AP3B1: variants seen among roughly 807,000 people sequenced by gnomAD.
AP3B1 encodes adaptor related protein complex 3 subunit beta 1, also known as AP-3 complex subunit beta-1.
In AP3B1, 61 loss-of-function variants were observed where a neutral mutation model predicts 132.5. The ratio of observed to expected loss-of-function variants is 0.46; its 90% CI spans 0.37 to 0.57. The LOEUF is 0.57. Ranked by LOEUF, AP3B1 falls within the 20% of genes least tolerant of loss-of-function variation. The pLI is 0.00. For missense variants in AP3B1, 1,120 were observed against 1,289.4 expected (o/e 0.87, Z 2.01); for synonymous variants, 388 against 438.3 (o/e 0.89, Z 1.43).
intron 22 of AP3B1, among the ~76,000 whole-genome samples, chr5:78,084,990 T>C (rs1750176123): frequency 6.6e-6 from 1 of 152,220 alleles, no homozygotes; most frequent in Admixed American, 6.5e-5. Flanking sequence ...GCATACTTTT[T>C]GTAACCATCA....
downstream of AP3B1, chr5:78,002,232 T>C (rs112166406): frequency 4.9e-4 from 84 of 169,762 alleles, 1 homozygote; most frequent in African/African-American, 1.7e-3. Context: ...CTCTGCATAA[T>C]GTAACACTCA....
At chr5:78,083,237 C>T (rs1003163281) in intron 22 of AP3B1, among the ~76,000 whole-genome samples, 1 of 152,028 alleles carries the variant, frequency 6.6e-6, no homozygotes, top group Non-Finnish European at 1.5e-5. Flanking sequence ...AAACAAAAAA[C>T]GCAAAGGATG....
chr5:78,089,363 C>T (rs1360455027), intron 22 of AP3B1, 30 bp downstream of exon 22: 2 of 1,486,218 alleles, frequency 1.3e-6, no homozygotes, highest in Non-Finnish European at 1.9e-6. Flanking sequence ...CATAAGAAAA[C>T]CGAGCTGGTG....
intron 2 of AP3B1, among the ~76,000 whole-genome samples, chr5:78,265,707 C>G (rs761112353): frequency 6.6e-6 from 1 of 152,174 alleles, no homozygotes; most frequent in Non-Finnish European, 1.5e-5. Flanking sequence ...GCTTCATGCT[C>G]TTCAACAAAA....
At chr5:78,280,394 T>C (rs1748999033) in intron 1 of AP3B1, among the ~76,000 whole-genome samples, 1 of 152,232 alleles carries the variant, frequency 6.6e-6, no homozygotes, top group African/African-American at 2.4e-5. Context: ...AGCTCAAAAT[T>C]AATTAGTATT....
chr5:78,042,006 C>G, intron 22 of AP3B1: 1 of 205,128 alleles, frequency 4.9e-6, no homozygotes, highest in Admixed American at 4.7e-5. Flanking sequence ...ATTCAAAGCC[C>G]CACTTCTGCA....
At chr5:78,008,625 C>T (rs1339412706) in intron 26 of AP3B1, among the ~76,000 whole-genome samples, 2 of 152,148 alleles carry the variant, frequency 1.3e-5, no homozygotes, top group Non-Finnish European at 2.9e-5. Flanking sequence ...AATCTTCAGT[C>T]CTGTTTGAGA....
chr5:78,201,736 T>C (rs183639906), intron 7 of AP3B1, among the ~76,000 whole-genome samples: 19 of 152,322 alleles, frequency 1.2e-4, no homozygotes, highest in African/African-American at 4.6e-4. Context: ...AAATGAGTCT[T>C]GGAAGTTAAA....
At chr5:78,210,460 CT>C (rs1398919033) in intron 7 of AP3B1, among the ~76,000 whole-genome samples, 1 of 152,070 alleles carries the variant, frequency 6.6e-6, no homozygotes, top group Non-Finnish European at 1.5e-5. Context: ...TAAATTTGGA[CT>C]TTGTTAAACT....
intron 15 of AP3B1, among the ~76,000 whole-genome samples, chr5:78,138,990 ACACTTCAG>A (rs1753030696): frequency 2.7e-5 from 4 of 148,904 alleles, no homozygotes; most frequent in East Asian, 2.0e-4. Context: ...AAAAAAAAAA[ACACTTCAG>A]AAACTGAGCT....
At chr5:78,260,156 ATTC>A (rs1278562508) in intron 2 of AP3B1, among the ~76,000 whole-genome samples, 1 of 152,108 alleles carries the variant, frequency 6.6e-6, no homozygotes, top group African/African-American at 2.4e-5. Flanking sequence ...CAACAATACT[ATTC>A]TTAAGTAATC....
At chr5:78,118,554 AC>A (rs1284017649) in intron 17 of AP3B1, among the ~76,000 whole-genome samples, 1 of 152,118 alleles carries the variant, frequency 6.6e-6, no homozygotes, top group East Asian at 1.9e-4. Context: ...AGGGTCCTAC[AC>A]CCACGGAGTC....
chr5:78,120,065 C>G (rs545521664), intron 17 of AP3B1, among the ~76,000 whole-genome samples: 1 of 152,216 alleles, frequency 6.6e-6, no homozygotes, highest in East Asian at 1.9e-4. Flanking sequence ...AATTTTCAAC[C>G]CAGAATTTCA....
chr5:78,041,480 G>A (rs1327450301), intron 22 of AP3B1, among the ~76,000 whole-genome samples: 2 of 151,402 alleles, frequency 1.3e-5, no homozygotes, highest in African/African-American at 4.9e-5. Context: ...GATTGCCTGA[G>A]CTCAGGAAGT....
chr5:78,099,622 C>T (rs1751045495), intron 21 of AP3B1, among the ~76,000 whole-genome samples: 1 of 151,936 alleles, frequency 6.6e-6, no homozygotes, highest in South Asian at 2.1e-4. Flanking sequence ...GTCAGTGGGG[C>T]GTGGTGGCTC....
intron 2 of AP3B1, among the ~76,000 whole-genome samples, chr5:78,249,002 A>T (rs556616946): frequency 1.3e-5 from 2 of 152,212 alleles, no homozygotes; most frequent in Non-Finnish European, 2.9e-5. Flanking sequence ...TACTGTGTTT[A>T]TGCGTGGTTT....
intron 21 of AP3B1, 122 bp downstream of exon 21, chr5:78,100,831 T>C: frequency 1.7e-6 from 1 of 600,718 alleles, no homozygotes; most frequent in Non-Finnish European, 2.9e-6. Context: ...CTTGCCTTAT[T>C]CATCTATAAG....
intron 11 of AP3B1, among the ~76,000 whole-genome samples, chr5:78,169,926 G>A (rs1036723759): frequency 2.0e-5 from 3 of 151,904 alleles, no homozygotes; most frequent in African/African-American, 7.3e-5. Flanking sequence ...CCCCTGACAG[G>A]CCCCGGTGTG....
intron 17 of AP3B1, among the ~76,000 whole-genome samples, chr5:78,117,597 AC>A (rs1235167142): frequency 2.0e-5 from 3 of 152,200 alleles, no homozygotes; most frequent in African/African-American, 7.2e-5. Context: ...GGTGTGAGCC[AC>A]CACGTCCAGC....
Sources: gnomAD v4.1 joint callset for allele counts (sites outside exome capture counted in the v4.1 genomes callset) on GRCh38, gnomAD v4.1.1 for gene constraint, MANE v1.5 for transcripts, NCBI Gene and HGNC (gene_info 2026-07-23, HGNC 2026-07-21) for gene names.